Variants in HECW1 observed in about 807,000 individuals in gnomAD.
HECW1 encodes HECT, C2 and WW domain containing E3 ubiquitin protein ligase 1, also known as E3 ubiquitin-protein ligase HECW1.
Under a neutral mutation model 182.3 loss-of-function variants are expected in HECW1, and 61 were observed. The ratio of observed to expected loss-of-function variants is 0.33; its 90% CI spans 0.27 to 0.41. The LOEUF (loss-of-function observed/expected upper bound fraction) is 0.41, where lower values mean the gene tolerates loss of function less well. Ranked by LOEUF, HECW1 falls within the 10% of genes least tolerant of loss-of-function variation. HECW1 has a pLI of 1.00. For synonymous variants in HECW1, 859 were observed against 832.6 expected (o/e 1.03, Z -0.55); for missense variants, 1,739 against 2,108.9 (o/e 0.82, Z 3.44).
chr7:43,403,352 G>A (rs1333139731), intron 7 of HECW1, among the ~76,000 whole-genome samples: 2 of 152,156 alleles, frequency 1.3e-5, no homozygotes, highest in African/African-American at 4.8e-5. Context: ...GTCTTCAGGG[G>A]CAGCAAGTTC....
chr7:43,433,405 C>T (rs567013901), intron 8 of HECW1, among the ~76,000 whole-genome samples: 2 of 152,282 alleles, frequency 1.3e-5, no homozygotes, highest in Admixed American at 1.3e-4. Context: ...TCAAGGGAGT[C>T]TAATATAGTC....
chr7:43,469,382 A>G (rs2077924711), intron 16 of HECW1, among the ~76,000 whole-genome samples: 1 of 152,174 alleles, frequency 6.6e-6, no homozygotes, highest in Non-Finnish European at 1.5e-5. Context: ...GTTCCCTGTA[A>G]TTAAGAACCA....
chr7:43,220,438 A>G (rs998507580), intron 2 of HECW1, among the ~76,000 whole-genome samples: 43 of 152,156 alleles, frequency 2.8e-4, no homozygotes, highest in African/African-American at 9.9e-4. Flanking sequence ...GCTGACCTCA[A>G]TCACTAGCTC....
At chr7:43,340,294 C>T (rs1467457087) in intron 5 of HECW1, among the ~76,000 whole-genome samples, 1 of 141,894 alleles carries the variant, frequency 7.0e-6, no homozygotes, top group Non-Finnish European at 1.5e-5. Flanking sequence ...AGTCTCAGCT[C>T]ACTGCAACCG....
At chr7:43,162,908 G>T (rs549060646) in intron 2 of HECW1, 1 of 152,314 alleles carries the variant, frequency 6.6e-6, no homozygotes, top group Non-Finnish European at 1.5e-5. Context: ...GGCAACTATT[G>T]TTACTGTTGT....
chr7:43,516,628 T>C (rs1322363375), intron 24 of HECW1, among the ~76,000 whole-genome samples: 1 of 152,160 alleles, frequency 6.6e-6, no homozygotes, highest in African/African-American at 2.4e-5. Context: ...CCTTCTCTAT[T>C]CCTAGGAAGA....
At chr7:43,187,763 G>A (rs1793544751) in intron 2 of HECW1, among the ~76,000 whole-genome samples, 1 of 151,992 alleles carries the variant, frequency 6.6e-6, no homozygotes, top group Non-Finnish European at 1.5e-5. Context: ...GACCAAATAG[G>A]TTCTGATAAT....
rs1386775679 is a variant in HECW1, at chr7:43,113,507, C to CAGGAGGGG, written c.-267+577_-267+584dup. The CAGGAGGGG allele has an allele frequency of 3.8e-4, 65 of 170,196 alleles. 2 individuals are homozygous for CAGGAGGGG. Among genetic ancestry groups the CAGGAGGGG allele is most frequent in the Admixed American group, 9.6e-4 (15 of 15,692 alleles). The allele number at this position is 170,196 out of a possible 1,614,324, so 10.5% of individuals were successfully genotyped here. A position where few individuals can be genotyped will look rare whatever the true frequency, so the allele number is the denominator to read the frequency against. On this transcript the variant is annotated intron_variant, in intron 1 of 29. Transcript: ENST00000395891. ...CGGCCCTTGCTCCCATGGACGGGTG[C>CAGGAGGGG]AGGAGGGGAGGAGGCGCTGTGTGGG...
chr7:43,468,851 C>G, intron 15 of HECW1, 69 bp from the exon 16 acceptor site: 1 of 1,384,700 alleles, frequency 7.2e-7, no homozygotes, highest in South Asian at 1.3e-5. Flanking sequence ...TTAGGGTGCT[C>G]ATAGTGTGCT....
At position 43,150,912 on chromosome 7, in the gene HECW1, C is replaced by T. The variant is rs1033339091; in HGVS notation, c.-32+36521C>T. The T allele has an allele frequency of 3.9e-5, 6 of 154,928 alleles. No homozygotes were observed. The Middle Eastern group carries it at 2.1e-3, about 54-fold the overall frequency. 9.6% of individuals were successfully genotyped at this position (154,928 alleles called of 1,614,324 possible). On this transcript the variant is annotated intron_variant, in intron 2 of 29. Coordinates refer to ENST00000395891, the MANE Select transcript of HECW1 (RefSeq NM_015052.5). Reference sequence around the variant, plus strand: ...CGCCCCCCCACACAGACGGCAGCTGCGGCCTAGCCCCCAGGCTTCACTTGG... The same window carrying T: ...CGCCCCCCCACACAGACGGCAGCTGTGGCCTAGCCCCCAGGCTTCACTTGG...
intron 24 of HECW1, among the ~76,000 whole-genome samples, chr7:43,536,293 G>A (rs966944453): frequency 1.3e-5 from 2 of 152,178 alleles, no homozygotes; most frequent in East Asian, 3.8e-4. Flanking sequence ...TATGTCTTAC[G>A]GTGATGGCAT....
chr7:43,468,911 C>G lies in HECW1; in HGVS notation c.2914-9C>G. 1 of 1,613,928 alleles carries G rather than the reference C, an allele frequency of 6.2e-7. No individual in the cohort carries two copies. Among genetic ancestry groups the G allele is most frequent in the Non-Finnish European group, 8.5e-7 (1 of 1,179,836 alleles). ...CACTCCTTACCCCGTCCGCCCTGAC[C>G]TGTCTCAGAGTGCCTACCGAGTCTT... On this transcript the variant is annotated splice_polypyrimidine_tract_variant and intron_variant, in intron 15 of 29. Coordinates refer to ENST00000395891, the MANE Select transcript of HECW1 (RefSeq NM_015052.5).
At chr7:43,421,891 G>A (rs1305609508) in intron 8 of HECW1, among the ~76,000 whole-genome samples, 1 of 152,186 alleles carries the variant, frequency 6.6e-6, no homozygotes, top group Non-Finnish European at 1.5e-5. Context: ...TGGGAAACGA[G>A]GAAGCCTGGA....
chr7:43,429,321 T>C (rs868616363), intron 8 of HECW1, among the ~76,000 whole-genome samples: 43 of 101,356 alleles, frequency 4.2e-4, no homozygotes, highest in Non-Finnish European at 6.6e-4. Context: ...TATATATATA[T>C]ATATATATAT....
At position 43,527,224 on chromosome 7, in the gene HECW1, G is replaced by C. The variant is rs532688189; in HGVS notation, c.4020-13939G>C. On this transcript the variant is annotated intron_variant, in intron 24 of 29. Transcript: ENST00000395891. Reference sequence around the variant, plus strand: ...GCTGAGTGAAAGGTGTTCTGGACAAGCAAGGAGGAGGGCTATGCTGCGGGT... The same window carrying C: ...GCTGAGTGAAAGGTGTTCTGGACAACCAAGGAGGAGGGCTATGCTGCGGGT... Among the ~76,000 whole-genome samples the C allele has an allele frequency of 7.9e-5, 12 of 152,254 alleles. No individual in the cohort carries two copies. The South Asian group carries it at 2.5e-3, about 32-fold the overall frequency.
At chr7:43,385,536 T>C (rs1189898251) in intron 6 of HECW1, among the ~76,000 whole-genome samples, 4 of 150,686 alleles carry the variant, frequency 2.7e-5, no homozygotes, top group Admixed American at 6.6e-5. Flanking sequence ...CTGGGGCAGC[T>C]CCTACACCAT....
At chr7:43,240,866 C>T (rs1798814670) in intron 2 of HECW1, among the ~76,000 whole-genome samples, 1 of 152,164 alleles carries the variant, frequency 6.6e-6, no homozygotes, top group East Asian at 1.9e-4. Context: ...CCGCCCTGCT[C>T]TCCTATTGCT....
Position 43,385,025 on chromosome 7 carries a change from C to T in HECW1, c.556-11789C>T, listed in dbSNP as rs559919911. On this transcript the variant is annotated intron_variant, in intron 6 of 29. Transcript: ENST00000395891. ...CTTAACTAGACTTGGTGATAAAGGACAAAACGCAGTTCTGGAAGGACAATA... is the reference window on the plus strand; with the variant it reads ...CTTAACTAGACTTGGTGATAAAGGATAAAACGCAGTTCTGGAAGGACAATA... 8.5e-5 allele frequency among the ~76,000 whole-genome samples: 13 copies of T among 152,130 alleles called. No individual in the cohort carries two copies. In the East Asian group the frequency reaches 2.5e-3, roughly 29 times the overall value.
At chr7:43,395,551 A>T (rs1294459401) in intron 6 of HECW1, among the ~76,000 whole-genome samples, 1 of 152,218 alleles carries the variant, frequency 6.6e-6, no homozygotes, top group Non-Finnish European at 1.5e-5. Context: ...TGTGTCAAAG[A>T]ATTTGACAAT....
Sources: allele counts gnomAD v4.1 joint callset (sites outside exome capture counted in the v4.1 genomes callset), GRCh38; gene constraint gnomAD v4.1.1; transcripts MANE v1.5; gene names NCBI Gene and HGNC (gene_info 2026-07-23, HGNC 2026-07-21).